Variants in CTNNA2 observed in about 807,000 individuals in gnomAD.
The protein encoded by CTNNA2 is catenin alpha 2, also known as catenin alpha-2.
Under a neutral mutation model 101.0 loss-of-function variants are expected in CTNNA2, and 42 were observed. The ratio of observed to expected loss-of-function variants is 0.42; its 90% CI spans 0.32 to 0.54. The LOEUF is 0.54. Among genes scored for constraint, CTNNA2 ranks in the 20% least tolerant of loss-of-function variants. The pLI is 0.14. For missense variants in CTNNA2, 871 were observed against 1,223.1 expected (o/e 0.71, Z 4.29); for synonymous variants, 450 against 456.4 (o/e 0.99, Z 0.18).
At chr2:80,011,837 C>T (rs1275799685) in intron 7 of CTNNA2, among the ~76,000 whole-genome samples, 2 of 152,066 alleles carry the variant, frequency 1.3e-5, no homozygotes, top group Non-Finnish European at 2.9e-5. Flanking sequence ...TAGAAACACT[C>T]ATTGGTTTCA....
intron 7 of CTNNA2, among the ~76,000 whole-genome samples, chr2:80,192,107 G>C (rs895091485): frequency 6.6e-6 from 1 of 152,194 alleles, no homozygotes; most frequent in African/African-American, 2.4e-5. Flanking sequence ...GTCTGCAGTG[G>C]TGAATATTCA....
chr2:80,274,311 G>A (rs555471095), intron 7 of CTNNA2, among the ~76,000 whole-genome samples: 1 of 152,254 alleles, frequency 6.6e-6, no homozygotes, highest in East Asian at 1.9e-4. Flanking sequence ...GACTCTAGAA[G>A]TATTTGTTTA....
intron 2 of CTNNA2, among the ~76,000 whole-genome samples, chr2:79,704,728 T>A (rs6721968): frequency 0.053 from 8,084 of 151,990 alleles, 755 homozygotes; most frequent in African/African-American, 0.19. Context: ...TTAGCCAGGA[T>A]GGTCTCCATC....
intron 7 of CTNNA2, among the ~76,000 whole-genome samples, chr2:80,114,507 C>G: frequency 6.6e-6 from 1 of 152,184 alleles, no homozygotes; most frequent in East Asian, 1.9e-4. Flanking sequence ...CTGGCCATAT[C>G]CTCTGCTCAT....
chr2:79,514,333 C>T (rs1188862606), intron 1 of CTNNA2, among the ~76,000 whole-genome samples: 1 of 152,106 alleles, frequency 6.6e-6, no homozygotes, highest in African/African-American at 2.4e-5. Flanking sequence ...TGCATTAGAG[C>T]CTTTAACAGA....
At chr2:79,861,724 G>GAA (rs1160405577) in intron 4 of CTNNA2, among the ~76,000 whole-genome samples, 1 of 152,132 alleles carries the variant, frequency 6.6e-6, no homozygotes. Flanking sequence ...GGTTTTTGCT[G>GAA]CTGCTGTTAC....
chr2:79,665,272 C>T (rs1682334515), intron 2 of CTNNA2, among the ~76,000 whole-genome samples: 1 of 152,168 alleles, frequency 6.6e-6, no homozygotes, highest in Non-Finnish European at 1.5e-5. Flanking sequence ...GGTCTCTGCT[C>T]TGCTCTCAGA....
At chr2:79,278,048 G>A (rs1227129175) in intron 2 of CTNNA2, among the ~76,000 whole-genome samples, 1 of 152,100 alleles carries the variant, frequency 6.6e-6, no homozygotes, top group African/African-American at 2.4e-5. Context: ...ACTTAAGGGT[G>A]GTGGAGGATG....
chr2:80,352,173 A>T (rs575347112), intron 7 of CTNNA2, among the ~76,000 whole-genome samples: 6 of 152,268 alleles, frequency 3.9e-5, no homozygotes, highest in Admixed American at 3.3e-4. Context: ...TTAGTCCTCA[A>T]AGTCAGGTCA....
chr2:79,701,088 T>C (rs1243559348), intron 2 of CTNNA2, among the ~76,000 whole-genome samples: 1 of 152,176 alleles, frequency 6.6e-6, no homozygotes, highest in African/African-American at 2.4e-5. Context: ...AATAGAGTCC[T>C]TTTTGGCTGA....
intron 3 of CTNNA2, among the ~76,000 whole-genome samples, chr2:79,778,499 GAAAA>G (rs957118828): frequency 6.6e-6 from 1 of 151,490 alleles, no homozygotes; most frequent in Non-Finnish European, 1.5e-5. Flanking sequence ...GAATTCATGG[GAAAA>G]AAAACCTACT....
intron 7 of CTNNA2, among the ~76,000 whole-genome samples, chr2:80,311,823 A>G (rs78710121): frequency 6.6e-6 from 1 of 152,222 alleles, no homozygotes; most frequent in Admixed American, 6.5e-5. Flanking sequence ...TGGGATTTCT[A>G]TTAACACTAA....
intron 7 of CTNNA2, among the ~76,000 whole-genome samples, chr2:80,124,669 G>A (rs552777308): frequency 6.6e-6 from 1 of 152,244 alleles, no homozygotes; most frequent in East Asian, 1.9e-4. Flanking sequence ...GCATCAAAGA[G>A]ACCTGGTCAA....
intron 4 of CTNNA2, among the ~76,000 whole-genome samples, chr2:79,435,114 T>C (rs1029714234): frequency 6.6e-6 from 1 of 151,988 alleles, no homozygotes; most frequent in Non-Finnish European, 1.5e-5. Context: ...GTAGTCTGAG[T>C]CTTGGCAGAC....
At chr2:80,436,925 C>A (rs1036066549) in intron 9 of CTNNA2, among the ~76,000 whole-genome samples, 1 of 152,138 alleles carries the variant, frequency 6.6e-6, no homozygotes, top group Non-Finnish European at 1.5e-5. Flanking sequence ...CAATAGCACT[C>A]CTCAAAATTC....
At position 79,219,023 on chromosome 2, in the gene CTNNA2, T is replaced by G. The variant is rs1380324640; in HGVS notation, c.-406+20947T>G. Among the ~76,000 whole-genome samples, 6 of 152,218 alleles carry G rather than the reference T, an allele frequency of 3.9e-5. No individual in the cohort carries two copies. In the East Asian group the frequency reaches 9.6e-4, roughly 24 times the overall value. On this transcript the variant is annotated intron_variant, in intron 2 of 21. Coordinates refer to the CTNNA2 transcript ENST00000466387. ...TTCTATGCAAGGGTGTGTGTATGTATGTATAGTACAAAATTGCCACATTTT... is the reference window on the plus strand; with the variant it reads ...TTCTATGCAAGGGTGTGTGTATGTAGGTATAGTACAAAATTGCCACATTTT...
At chr2:79,600,237 A>G (rs996508376) in intron 1 of CTNNA2, among the ~76,000 whole-genome samples, 1 of 151,856 alleles carries the variant, frequency 6.6e-6, no homozygotes, top group Non-Finnish European at 1.5e-5. Flanking sequence ...GTGCTGGGGC[A>G]TGATCTCAGC....
intron 3 of CTNNA2, among the ~76,000 whole-genome samples, chr2:79,805,174 C>G (rs144000676): frequency 1.3e-5 from 2 of 152,102 alleles, no homozygotes; most frequent in African/African-American, 4.8e-5. Context: ...AGAATGAGTC[C>G]CCTGTCCCAC....
At position 79,644,221 on chromosome 2, in the gene CTNNA2, G is replaced by C. The variant is rs146670794; in HGVS notation, c.-5-7331G>C. Reference sequence around the variant, plus strand: ...CCTAGCTAATTTTTTTGTATCTTTAGTAGAGATGGGGTTTCAACATGTTGG... The same window carrying C: ...CCTAGCTAATTTTTTTGTATCTTTACTAGAGATGGGGTTTCAACATGTTGG... On this transcript the variant is annotated intron_variant, in intron 1 of 18. Transcript: ENST00000402739. 8.5e-3 allele frequency among the ~76,000 whole-genome samples: 1,286 copies of C among 152,110 alleles called. 27 individuals are homozygous for C. The highest frequency in any genetic ancestry group is 0.028 in the African/African-American group (1,168 of 41,492).
Sources: gnomAD v4.1 joint callset for allele counts (sites outside exome capture counted in the v4.1 genomes callset) on GRCh38, gnomAD v4.1.1 for gene constraint, MANE v1.5 for transcripts, NCBI Gene and HGNC (gene_info 2026-07-23, HGNC 2026-07-21) for gene names.